Variants in FNDC3A observed in about 807,000 individuals in gnomAD.
FNDC3A encodes the protein fibronectin type-III domain-containing protein 3A.
FNDC3A carries 32 observed loss-of-function variants against 148.9 expected under a neutral mutation model. The observed-to-expected ratio is 0.21, with a 90% CI of 0.16 to 0.29. The LOEUF (loss-of-function observed/expected upper bound fraction) is 0.29. FNDC3A is among the 10% of genes least tolerant of loss of function. FNDC3A has a pLI of 1.00. For missense variants in FNDC3A, 1,191 were observed against 1,452.8 expected (o/e 0.82, Z 2.93); for synonymous variants, 472 against 473.6 (o/e 1.00, Z 0.04).
chr13:49,136,139 ATATAAT>A (rs1882342639), intron 5 of FNDC3A, among the ~76,000 whole-genome samples, 187 bp from the exon 6 acceptor site: 1 of 152,198 alleles, frequency 6.6e-6, no homozygotes, highest in South Asian at 2.1e-4. Flanking sequence ...AGAGAGATAT[ATATAAT>A]TAGAATAAAT....
chr13:48,983,229 G>T (rs930837988), intron 1 of FNDC3A, among the ~76,000 whole-genome samples: 2 of 152,112 alleles, frequency 1.3e-5, no homozygotes, highest in Admixed American at 1.3e-4. Flanking sequence ...TTTCACTTGT[G>T]TGAGTCCTTC....
chr13:49,024,709 AAATT>A (rs1406793740), intron 2 of FNDC3A, among the ~76,000 whole-genome samples: 1 of 152,016 alleles, frequency 6.6e-6, no homozygotes, highest in African/African-American at 2.4e-5. Flanking sequence ...AACCCTCAAT[AAATT>A]AGGTACAGAA....
chr13:49,069,493 T>G (rs1877500392), intron 2 of FNDC3A, among the ~76,000 whole-genome samples: 1 of 152,196 alleles, frequency 6.6e-6, no homozygotes, highest in African/African-American at 2.4e-5. Flanking sequence ...AAACTTAATG[T>G]CATTTCCGAT....
intron 2 of FNDC3A, among the ~76,000 whole-genome samples, chr13:49,016,105 A>G (rs1455910604): frequency 1.3e-5 from 2 of 152,256 alleles, no homozygotes; most frequent in Non-Finnish European, 2.9e-5. Flanking sequence ...TATCAGGATG[A>G]TGCTGGCCTC....
At chr13:48,979,803 G>C (rs1314156464) in intron 1 of FNDC3A, among the ~76,000 whole-genome samples, 1 of 151,952 alleles carries the variant, frequency 6.6e-6, no homozygotes, top group Non-Finnish European at 1.5e-5. Context: ...TTACAGTCTC[G>C]GTTGAATGTT....
chr13:49,121,779 C>A (rs1593619586), intron 4 of FNDC3A, among the ~76,000 whole-genome samples: 2 of 151,926 alleles, frequency 1.3e-5, no homozygotes, highest in East Asian at 3.9e-4. Flanking sequence ...ACGCATACAC[C>A]CCCCCAAAGA....
chr13:49,183,342 T>C (rs1339197713), intron 14 of FNDC3A, among the ~76,000 whole-genome samples: 1 of 152,238 alleles, frequency 6.6e-6, no homozygotes, highest in African/African-American at 2.4e-5. Context: ...CCCATTCTTT[T>C]GATATGCATA....
At chr13:49,003,736 G>A (rs1266895251) in intron 1 of FNDC3A, among the ~76,000 whole-genome samples, 1 of 151,856 alleles carries the variant, frequency 6.6e-6, no homozygotes, top group Non-Finnish European at 1.5e-5. Flanking sequence ...TGTTTAATTT[G>A]ACACTAATTA....
At chr13:49,016,622 G>T (rs2137628548) in intron 2 of FNDC3A, among the ~76,000 whole-genome samples, 1 of 151,816 alleles carries the variant, frequency 6.6e-6, no homozygotes, top group Middle Eastern at 3.4e-3. Context: ...TCTGATTTTA[G>T]TTATTTCTTG....
intron 13 of FNDC3A, among the ~76,000 whole-genome samples, chr13:49,176,210 G>A (rs1885023642): frequency 6.6e-6 from 1 of 152,180 alleles, no homozygotes; most frequent in Non-Finnish European, 1.5e-5. Context: ...CTCATAAAAT[G>A]AGTTAGGGAG....
intron 2 of FNDC3A, among the ~76,000 whole-genome samples, chr13:49,071,640 A>AT (rs925915019): frequency 1.3e-5 from 2 of 151,002 alleles, no homozygotes; most frequent in African/African-American, 4.9e-5. Context: ...AATGTTGAGC[A>AT]TTTTTTTATA....
chr13:49,002,840 G>C (rs1419383992), intron 1 of FNDC3A, among the ~76,000 whole-genome samples: 1 of 152,116 alleles, frequency 6.6e-6, no homozygotes, highest in Non-Finnish European at 1.5e-5. Context: ...ATTTACAAAG[G>C]ACATTTAGGG....
chr13:49,159,856 T>C (rs1186580184), intron 8 of FNDC3A, among the ~76,000 whole-genome samples: 2 of 152,246 alleles, frequency 1.3e-5, no homozygotes, highest in Admixed American at 6.5e-5. Flanking sequence ...AAGGCCTTTT[T>C]CTGCATCTAT....
chr13:49,114,706 A>G lies in FNDC3A; in HGVS notation c.227A>G (p.Tyr76Cys). 1 of 1,612,464 alleles carries G rather than the reference A, an allele frequency of 6.2e-7. No homozygotes were observed. Among genetic ancestry groups the G allele is most frequent in the Non-Finnish European group, 8.5e-7 (1 of 1,178,600 alleles). Residue 76 changes from tyrosine (Y) to cysteine (C), a missense_variant, in exon 4 of 26, where the codon TAT (tyrosine) becomes TGT (cysteine). Coordinates refer to ENST00000492622, the MANE Select transcript of FNDC3A (RefSeq NM_001079673.2). Reference protein sequence around the residue: ...MSPNGSVPPIYVPPGYAPQVI... With the variant: ...MSPNGSVPPICVPPGYAPQVI... ...CCAAATGGTTCTGTGCCTCCTATCT[A>G]TGTGCCTCCTGGATATGCCCCACAG...
intron 14 of FNDC3A, among the ~76,000 whole-genome samples, chr13:49,182,128 A>G (rs1221030795): frequency 6.6e-6 from 1 of 151,996 alleles, no homozygotes; most frequent in Non-Finnish European, 1.5e-5. Context: ...GACTACAGGC[A>G]TGAGCCACCA....
At chr13:49,019,527 G>T (rs961273296) in intron 2 of FNDC3A, among the ~76,000 whole-genome samples, 3 of 152,186 alleles carry the variant, frequency 2.0e-5, no homozygotes, top group Admixed American at 1.3e-4. Context: ...AGATGAACCC[G>T]GTACCTCAGA....
chr13:49,181,710 CTT>C (rs1566311400), intron 14 of FNDC3A, among the ~76,000 whole-genome samples: 1 of 151,628 alleles, frequency 6.6e-6, no homozygotes. Context: ...AAAATAAAAT[CTT>C]AATATTTTAG....
rs541605826 is a variant in FNDC3A at position 48,978,148 on chromosome 13, A to G, written c.-40+1971A>G. ...CTTCCTCTATCTGTGTGAGTAATTGAGACCTGATTTATTTTAACACACATG... is the reference window on the plus strand; with the variant it reads ...CTTCCTCTATCTGTGTGAGTAATTGGGACCTGATTTATTTTAACACACATG... On this transcript the variant is annotated intron_variant, in intron 1 of 25. Coordinates refer to ENST00000492622, the MANE Select transcript of FNDC3A (RefSeq NM_001079673.2). Among the ~76,000 whole-genome samples, 41 of 152,092 alleles carry G rather than the reference A, an allele frequency of 2.7e-4. 1 individual carries two copies. Among genetic ancestry groups the G allele is most frequent in the Non-Finnish European group, 5.3e-4 (36 of 67,986 alleles).
rs564163531 is a variant in FNDC3A, at chr13:49,147,546, A to G, written c.977+1611A>G. On this transcript the variant is annotated intron_variant, in intron 8 of 25. Transcript: ENST00000492622. ...TGATTTTAAGTTTAAAAAAAAAAAA[A>G]GTAGGGAATAGGCTGGTTTGCGGCT... Among the ~76,000 whole-genome samples the G allele has an allele frequency of 2.6e-5, 4 of 152,084 alleles. No homozygotes were observed. In the East Asian group the frequency reaches 5.8e-4, roughly 22 times the overall value.
Sources: allele counts gnomAD v4.1 joint callset (sites outside exome capture counted in the v4.1 genomes callset), GRCh38; gene constraint gnomAD v4.1.1; transcripts MANE v1.5; gene names NCBI Gene and HGNC (gene_info 2026-07-23, HGNC 2026-07-21).